Variants in HIP1 observed in about 807,000 individuals in gnomAD.
HIP1 encodes huntingtin interacting protein 1.
HIP1 carries 65 observed loss-of-function variants against 147.6 expected under a neutral mutation model. That is an observed-to-expected ratio of 0.44 (90% confidence interval 0.36 to 0.54). HIP1 has a LOEUF of 0.54. Ranked by LOEUF, HIP1 falls within the 20% of genes least tolerant of loss-of-function variation. The pLI is 0.00. For synonymous variants in HIP1, 479 were observed against 504.0 expected (o/e 0.95, Z 0.67); for missense variants, 1,061 against 1,299.6 (o/e 0.82, Z 2.82).
chr7:75,720,185 G>C (rs537377331), intron 1 of HIP1, among the ~76,000 whole-genome samples: 117 of 152,168 alleles, frequency 7.7e-4, no homozygotes, highest in South Asian at 2.1e-3. Context: ...TTTTGAAACA[G>C]AGTCTCGCTC....
At chr7:75,554,628 T>TCC in intron 19 of HIP1, 102 bp from the exon 20 acceptor site, 1 of 784,714 alleles carries the variant, frequency 1.3e-6, no homozygotes, top group Non-Finnish European at 2.2e-6. Context: ...GTGGGTAAGC[T>TCC]TCCTGCCTAG....
rs34356717 is a variant in HIP1, at chr7:75,653,149, G to GA, written c.121-53903dup. On this transcript the variant is annotated intron_variant, in intron 1 of 30. Coordinates refer to ENST00000336926, the MANE Select transcript of HIP1 (RefSeq NM_005338.7). ...TGATTTGGGTAATAAAGGTCTGGGA[G>GA]AAAAAAAAAAACAAATTTGATCTCA... Among the ~76,000 whole-genome samples, 177 of 144,328 alleles carry GA rather than the reference G, an allele frequency of 1.2e-3. 1 individual carries two copies. The highest frequency in any genetic ancestry group is 2.4e-3 in the Admixed American group (34 of 14,442). 94.7% of individuals were successfully genotyped at this position (144,328 alleles called of 152,430 possible).
At chr7:75,641,184 C>T (rs901972995) in intron 1 of HIP1, among the ~76,000 whole-genome samples, 1 of 151,896 alleles carries the variant, frequency 6.6e-6, no homozygotes, top group African/African-American at 2.4e-5. Flanking sequence ...CGCACACCTG[C>T]AATCCCAGCC....
At chr7:75,554,600 A>G (rs1463857461) in intron 19 of HIP1, 74 bp from the exon 20 acceptor site, 5 of 1,076,484 alleles carry the variant, frequency 4.6e-6, no homozygotes, top group Non-Finnish European at 5.7e-6. Flanking sequence ...TTAAGCACTG[A>G]ATGGAGGAGC....
rs1413540827 is a variant in HIP1 at position 75,540,284 on chromosome 7, C to G, written c.2953-853G>C. Among the ~76,000 whole-genome samples, 5 of 152,012 alleles carry G rather than the reference C, an allele frequency of 3.3e-5. No individual in the cohort carries two copies. In the East Asian group the frequency reaches 9.7e-4, roughly 29 times the overall value. On this transcript the variant is annotated intron_variant, in intron 29 of 30. Coordinates refer to ENST00000336926, the MANE Select transcript of HIP1 (RefSeq NM_005338.7). Reference sequence around the variant, plus strand: ...CTCTACTAAAAATATACAAAATTAGCCAGGTGTGGTGGTGCATGTCTGTAA... The same window carrying G: ...CTCTACTAAAAATATACAAAATTAGGCAGGTGTGGTGGTGCATGTCTGTAA...
At chr7:75,577,989 G>T (rs1407526797) in intron 7 of HIP1, among the ~76,000 whole-genome samples, 3 of 152,282 alleles carry the variant, frequency 2.0e-5, no homozygotes, top group East Asian at 3.9e-4. Context: ...AACAGAGCGA[G>T]ACTCTCTCAA....
At chr7:75,660,054 A>G (rs78879824) in intron 1 of HIP1, among the ~76,000 whole-genome samples, 16,017 of 151,306 alleles carry the variant, frequency 0.11, 1,873 homozygotes, top group African/African-American at 0.29. Flanking sequence ...TGAACCGGAG[A>G]AGCGGAGGTT....
intron 2 of HIP1, 90 bp downstream of exon 2, chr7:75,599,094 G>A (rs1796873690): frequency 1.0e-6 from 1 of 957,814 alleles, no homozygotes; most frequent in Non-Finnish European, 1.7e-6. Context: ...CCCCTTCCTG[G>A]AGCTGAGCAA....
At chr7:75,643,670 T>G (rs1437194243) in intron 1 of HIP1, among the ~76,000 whole-genome samples, 1 of 152,160 alleles carries the variant, frequency 6.6e-6, no homozygotes, top group Non-Finnish European at 1.5e-5. Flanking sequence ...TAATGAAATG[T>G]TATTACCTGC....
chr7:75,638,503 T>C (rs1554510006), intron 1 of HIP1, among the ~76,000 whole-genome samples: 2 of 152,118 alleles, frequency 1.3e-5, no homozygotes, highest in African/African-American at 4.8e-5. Flanking sequence ...TCAGGCCCAC[T>C]GAAGCTGGGG....
chr7:75,565,096 T>C (rs1434750181), intron 9 of HIP1, among the ~76,000 whole-genome samples: 2 of 152,160 alleles, frequency 1.3e-5, no homozygotes, highest in Non-Finnish European at 2.9e-5. Flanking sequence ...CCTGCAACAA[T>C]GAACTTTCTC....
chr7:75,579,540 C>G (rs1410659300), intron 7 of HIP1, among the ~76,000 whole-genome samples: 1 of 152,114 alleles, frequency 6.6e-6, no homozygotes, highest in Non-Finnish European at 1.5e-5. Flanking sequence ...GATCCGCCCC[C>G]CTTGGCCTTC....
In HIP1 at chr7:75,554,420, C is replaced by G. The variant is rs376684084; in HGVS notation, c.2050+20G>C. 63 of 1,598,438 alleles carry G rather than the reference C, an allele frequency of 3.9e-5. No individual in the cohort carries two copies. Among genetic ancestry groups the G allele is most frequent in the Non-Finnish European group, 4.8e-5 (56 of 1,165,998 alleles). On this transcript the variant is annotated intron_variant, in intron 20 of 30. Transcript: ENST00000336926. ...TCTGGCCATCACTAGCCGACAGAGA[C>G]TGTCCTTGGCCATTCTTACCTTCTG...
rs576025284 is a variant in HIP1, at chr7:75,656,109, C to T, written c.121-56862G>A. Among the ~76,000 whole-genome samples the T allele has an allele frequency of 3.0e-4, 45 of 151,964 alleles. No individual in the cohort carries two copies. The South Asian group carries it at 8.8e-3, about 30-fold the overall frequency. ...ACTCCAGCCTGGGTGACAGGCAAGA[C>T]CCCGTCTCAAAAAGAAAAAAAATAA... On this transcript the variant is annotated intron_variant, in intron 1 of 30. Coordinates refer to ENST00000336926, the MANE Select transcript of HIP1 (RefSeq NM_005338.7).
chr7:75,654,222 C>T (rs1799079072), intron 1 of HIP1, among the ~76,000 whole-genome samples: 3 of 152,100 alleles, frequency 2.0e-5, no homozygotes, highest in Admixed American at 2.0e-4. Flanking sequence ...TGATGAAACC[C>T]CATCTCTACT....
rs1211984151 is a variant in HIP1 at position 75,586,845 on chromosome 7, A to G, written c.385-12T>C. ...TCGCTCAGGTGGCCCTTTTAGGAAG[A>G]GGAGGGGAAACAGAGTCAACAACAA... On this transcript the variant is annotated splice_polypyrimidine_tract_variant and intron_variant, in intron 4 of 30. Transcript: ENST00000336926. 2 of 1,575,100 alleles carry G rather than the reference A, an allele frequency of 1.3e-6. No homozygotes were observed. The highest frequency in any genetic ancestry group is 8.7e-7 in the Non-Finnish European group (1 of 1,145,290).
intron 1 of HIP1, among the ~76,000 whole-genome samples, chr7:75,632,163 T>C (rs1554509039): frequency 6.6e-6 from 1 of 152,148 alleles, no homozygotes; most frequent in Non-Finnish European, 1.5e-5. Flanking sequence ...GTGGTCGCCC[T>C]TGGTGCATTT....
At chr7:75,598,346 G>A (rs1315342050) in intron 2 of HIP1, among the ~76,000 whole-genome samples, 5 of 150,264 alleles carry the variant, frequency 3.3e-5, no homozygotes, top group African/African-American at 7.4e-5. Flanking sequence ...ACAGTGAGCC[G>A]AGAACATGCC....
chr7:75,702,808 G>T (rs1330271493), intron 1 of HIP1, among the ~76,000 whole-genome samples: 4 of 152,026 alleles, frequency 2.6e-5, no homozygotes, highest in African/African-American at 9.7e-5. Context: ...GCGAGGGAAG[G>T]TGCCAGGTTC....
Sources: allele counts gnomAD v4.1 joint callset (sites outside exome capture counted in the v4.1 genomes callset), GRCh38; gene constraint gnomAD v4.1.1; transcripts MANE v1.5; gene names NCBI Gene and HGNC (gene_info 2026-07-23, HGNC 2026-07-21).